Variants in CEP63 observed in about 807,000 individuals in gnomAD.
The protein encoded by CEP63 is centrosomal protein of 63 kDa.
A neutral mutation model predicts 89.1 loss-of-function variants in CEP63; 84 were observed. The observed-to-expected ratio is 0.94, with a 90% confidence interval of 0.79 to 1.13. The LOEUF is 1.13. Ranked by LOEUF, CEP63 falls within the 50% of genes most tolerant of loss-of-function variation. The probability of loss-of-function intolerance (pLI) is 0.00; values close to 1 mark genes in which losing one functional copy is unlikely to be tolerated. For missense variants in CEP63, 838 were observed against 813.3 expected (o/e 1.03, Z -0.37); for synonymous variants, 267 against 272.5 (o/e 0.98, Z 0.20).
intron 7 of CEP63, 98 bp downstream of exon 7, chr3:134,545,917 T>A: frequency 1.1e-6 from 1 of 945,608 alleles, no homozygotes; most frequent in Non-Finnish European, 1.6e-6. Flanking sequence ...CCATACTTTC[T>A]TCCCTACTTT....
chr3:134,674,448 T>C, the CEP63 span, among the ~76,000 whole-genome samples: 2 of 152,176 alleles, frequency 1.3e-5, no homozygotes, highest in African/African-American at 4.8e-5. Context: ...TTTAATTTGA[T>C]GAAAAAAATC....
the CEP63 span, among the ~76,000 whole-genome samples, chr3:134,674,485 C>T: frequency 2.6e-5 from 4 of 152,124 alleles, no homozygotes; most frequent in Admixed American, 1.3e-4. Flanking sequence ...CCAACATAAA[C>T]TTAATGGTAA....
chr3:134,730,003 C>T, the CEP63 span, among the ~76,000 whole-genome samples: 6 of 152,158 alleles, frequency 3.9e-5, no homozygotes, highest in East Asian at 3.8e-4. Context: ...AAGGAGAGCA[C>T]GCATTTCTAA....
At chr3:134,637,258 C>A in the CEP63 span, among the ~76,000 whole-genome samples, 2 of 152,216 alleles carry the variant, frequency 1.3e-5, no homozygotes, top group Non-Finnish European at 2.9e-5. Context: ...GGACTGGGTG[C>A]TATCGCCATC....
At chr3:134,680,846 C>T in the CEP63 span, among the ~76,000 whole-genome samples, 4 of 152,208 alleles carry the variant, frequency 2.6e-5, no homozygotes, top group Admixed American at 2.6e-4. Context: ...TCAACGAGGG[C>T]CTTTGAAACT....
intron 3 of CEP63, among the ~76,000 whole-genome samples, chr3:134,529,868 ATTTTTTTTTT>A (rs58922185): frequency 4.8e-5 from 5 of 103,156 alleles, no homozygotes; most frequent in African/African-American, 1.2e-4. Flanking sequence ...AGGTTAAGAA[ATTTTTTTTTT>A]TTTTTTTTTT....
intron 10 of CEP63, among the ~76,000 whole-genome samples, chr3:134,581,876 C>A (rs190765970): frequency 2.0e-5 from 3 of 151,260 alleles, no homozygotes; most frequent in Admixed American, 2.0e-4. Context: ...GGGGTTTCAC[C>A]GTGTTAGCCA....
At chr3:134,515,804 C>A (rs1016706245) in intron 3 of CEP63, among the ~76,000 whole-genome samples, 1 of 152,058 alleles carries the variant, frequency 6.6e-6, no homozygotes, top group Non-Finnish European at 1.5e-5. Flanking sequence ...CTAATGCTGG[C>A]TGATAAGCTT....
chr3:134,684,914 T>A, the CEP63 span, among the ~76,000 whole-genome samples: 5 of 152,180 alleles, frequency 3.3e-5, no homozygotes, highest in Non-Finnish European at 7.3e-5. Context: ...CTTATTGTGA[T>A]GGCTTCCCTA....
At chr3:134,648,177 C>G in the CEP63 span, among the ~76,000 whole-genome samples, 2 of 152,154 alleles carry the variant, frequency 1.3e-5, no homozygotes, top group African/African-American at 2.4e-5. Context: ...GAGATCCTGG[C>G]GCGGAAGGAG....
chr3:134,531,719 C>T, intron 3 of CEP63, 126 bp from the exon 4 acceptor site: 1 of 715,136 alleles, frequency 1.4e-6, no homozygotes, highest in Non-Finnish European at 2.4e-6. Flanking sequence ...AGTGGGGTAT[C>T]ACCATATATA....
chr3:134,602,407 AG>A, the CEP63 span, among the ~76,000 whole-genome samples: 1 of 152,068 alleles, frequency 6.6e-6, no homozygotes, highest in Admixed American at 6.5e-5. Flanking sequence ...GTGAGACTGG[AG>A]GGGGCTGTCT....
At chr3:134,486,001 C>CG, upstream of CEP63, 1 of 982,414 alleles carries the variant, frequency 1.0e-6, no homozygotes, top group Non-Finnish European at 1.2e-6. Flanking sequence ...GCCCCCCCCC[C>CG]CTCCCCCGCA....
chr3:134,651,625 C>T, the CEP63 span: 21,276 of 987,120 alleles, frequency 0.022, 245 homozygotes, highest in Non-Finnish European at 0.024. Flanking sequence ...GAGCTCCCCC[C>T]AGTTACGGCC....
the CEP63 span, among the ~76,000 whole-genome samples, chr3:134,702,637 A>G: frequency 6.6e-6 from 1 of 152,188 alleles, no homozygotes; most frequent in East Asian, 1.9e-4. Flanking sequence ...TACAAGAAAA[A>G]AACATTAAAA....
the CEP63 span, among the ~76,000 whole-genome samples, chr3:134,606,484 G>A: frequency 0.016 from 2,500 of 152,216 alleles, 58 homozygotes; most frequent in African/African-American, 0.056. Context: ...TAATGTCCCC[G>A]TGGCAAAGCA....
the CEP63 span, among the ~76,000 whole-genome samples, chr3:134,729,475 T>G: frequency 2.6e-5 from 4 of 152,248 alleles, no homozygotes; most frequent in Non-Finnish European, 4.4e-5. Context: ...GCGAGTGTTG[T>G]AATCTGGCTT....
chr3:134,715,142 CATGCATT>C, the CEP63 span, among the ~76,000 whole-genome samples: 1 of 152,184 alleles, frequency 6.6e-6, no homozygotes, highest in African/African-American at 2.4e-5. Flanking sequence ...CTGTAATTTG[CATGCATT>C]CTTCTTGTCC....
At chr3:134,664,601 G>A in the CEP63 span, among the ~76,000 whole-genome samples, 2 of 152,082 alleles carry the variant, frequency 1.3e-5, no homozygotes, top group Non-Finnish European at 2.9e-5. Context: ...GCAAGGATGG[G>A]GCCATTTGTT....
Sources: allele counts gnomAD v4.1 joint callset (sites outside exome capture counted in the v4.1 genomes callset), GRCh38; gene constraint gnomAD v4.1.1; transcripts MANE v1.5; gene names NCBI Gene and HGNC (gene_info 2026-07-23, HGNC 2026-07-21).